PNKD: variants seen among roughly 807,000 people sequenced by gnomAD.
The protein encoded by PNKD is PNKD metallo-beta-lactamase domain containing, also known as probable thioesterase PNKD.
A neutral mutation model predicts 45.3 loss-of-function variants in PNKD; 36 were observed. That is an observed-to-expected ratio of 0.80 (90% CI 0.61 to 1.05). The LOEUF (loss-of-function observed/expected upper bound fraction) is 1.05. PNKD is among the 50% of genes least tolerant of loss of function. PNKD has a pLI of 0.00. For missense variants in PNKD, 511 were observed against 506.6 expected (o/e 1.01, Z -0.08); for synonymous variants, 197 against 210.1 (o/e 0.94, Z 0.54).
chr2:218,317,076 G>A (rs1474843395), intron 2 of PNKD, among the ~76,000 whole-genome samples: 1 of 152,174 alleles, frequency 6.6e-6, no homozygotes, highest in East Asian at 1.9e-4. Flanking sequence ...GGATGGGAGG[G>A]GATCAGGGAA....
chr2:218,308,581 A>ACTTT (rs1359567572), intron 2 of PNKD, among the ~76,000 whole-genome samples: 2 of 148,590 alleles, frequency 1.3e-5, no homozygotes, highest in African/African-American at 5.0e-5. Flanking sequence ...TTTCTCCACT[A>ACTTT]CTTTCTTTCT....
chr2:218,324,026 C>A (rs928484300), intron 2 of PNKD, among the ~76,000 whole-genome samples: 3 of 152,166 alleles, frequency 2.0e-5, no homozygotes, highest in Non-Finnish European at 4.4e-5. Context: ...GTGGAAGCCC[C>A]AGGCTGTGAA....
Position 218,281,979 on chromosome 2 carries a change from G to C in PNKD, c.236+10430G>C, listed in dbSNP as rs372395270. On this transcript the variant is annotated intron_variant, in intron 2 of 9. Transcript: ENST00000273077. Reference sequence around the variant, plus strand: ...ATCGGGTGGGTGGGGGGCATGGGCTGTGGGTAGCCAGCAGGGTGACCGTAG... The same window carrying C: ...ATCGGGTGGGTGGGGGGCATGGGCTCTGGGTAGCCAGCAGGGTGACCGTAG... The C allele has an allele frequency of 2.1e-5, 33 of 1,605,884 alleles. No individual in the cohort carries two copies. The African/African-American group carries it at 4.3e-4, about 21-fold the overall frequency.
intron 2 of PNKD, chr2:218,275,544 G>A (rs1691104046): frequency 6.2e-7 from 1 of 1,614,002 alleles, no homozygotes. Context: ...AAATCTGCAG[G>A]GCGCCAGTGA....
At chr2:218,297,115 A>G (rs1294036853) in intron 2 of PNKD, among the ~76,000 whole-genome samples, 1 of 152,220 alleles carries the variant, frequency 6.6e-6, no homozygotes, top group Non-Finnish European at 1.5e-5. Context: ...GCCCTGACCC[A>G]GCATCTGTTG....
intron 2 of PNKD, chr2:218,272,863 C>T: frequency 6.2e-7 from 1 of 1,601,792 alleles, no homozygotes; most frequent in Non-Finnish European, 8.5e-7. Context: ...GCATGAAGCC[C>T]AGGCTGTTGC....
Position 218,271,414 on chromosome 2 carries a change from C to A in PNKD, c.101C>A (p.Ser34Tyr), listed in dbSNP as rs146016925. The change falls in exon 2 of 10, where the codon TCT (serine) becomes TAT (tyrosine). Residue 34 changes from serine (S) to tyrosine (Y), a missense_variant. Ser to Tyr is a moderately radical substitution (Grantham distance 144). Transcript: ENST00000273077. ...ILAGATANKA[S>Y]HNRTRALQSH... ...GCAGGAGCCACAGCTAACAAGGCTT[C>A]TCATAACAGGACCCGGGCCCTGCAA... 2.5e-6 allele frequency: 4 copies of A among 1,613,998 alleles called. No individual in the cohort carries two copies. The African/African-American group carries it at 4.0e-5, about 16-fold the overall frequency.
chr2:218,345,045 A>C lies in PNKD; in HGVS notation c.*64A>C. The C allele has an allele frequency of 5.7e-4, 724 of 1,276,028 alleles. No homozygotes were observed. Among genetic ancestry groups the C allele is most frequent in the Non-Finnish European group, 7.3e-4 (659 of 902,108 alleles). The allele number at this position is 1,276,028 out of a possible 1,614,324, so 79.0% of individuals were successfully genotyped here. On this transcript the variant is annotated 3_prime_UTR_variant, in exon 10 of 10. Transcript: ENST00000273077. ...GGGAGGCCGCCACCACCAACACCTC[A>C]TCATCCTTCTCATCGCTAACACCAC...
chr2:218,272,823 A>T, intron 2 of PNKD: 1 of 1,612,374 alleles, frequency 6.2e-7, no homozygotes, highest in Non-Finnish European at 8.5e-7. Flanking sequence ...CCCAGATTCC[A>T]GTTCGTGCCT....
chr2:218,306,652 A>G (rs1196870178), intron 2 of PNKD, among the ~76,000 whole-genome samples: 6 of 152,200 alleles, frequency 3.9e-5, no homozygotes, highest in African/African-American at 1.4e-4. Flanking sequence ...TTCCAAGTCT[A>G]GCACACAACC....
intron 5 of PNKD, among the ~76,000 whole-genome samples, chr2:218,341,169 A>T (rs1166184727): frequency 6.6e-6 from 1 of 152,238 alleles, no homozygotes; most frequent in Non-Finnish European, 1.5e-5. Flanking sequence ...GTTCAAGCCC[A>T]ACCTGGGCAA....
Position 218,342,099 on chromosome 2 carries a change from C to T in PNKD, c.736C>T (p.Pro246Ser). ...YLLDGEPYKG[P>S]SCLFSGDLLF... ...ACTGGATGGGGAGCCCTACAAGGGT[C>T]CCTCCTGCCTCTTCTCAGGGGACCT... The change falls in exon 7 of 10, where the codon CCC (proline) becomes TCC (serine). Residue 246 changes from proline to serine, a missense_variant. Coordinates refer to ENST00000273077, the MANE Select transcript of PNKD (RefSeq NM_015488.5). The T allele has an allele frequency of 1.2e-6, 2 of 1,613,748 alleles. No homozygotes were observed. Among genetic ancestry groups the T allele is most frequent in the Non-Finnish European group, 1.7e-6 (2 of 1,179,782 alleles).
chr2:218,279,073 A>G, intron 2 of PNKD: 1 of 1,614,110 alleles, frequency 6.2e-7, no homozygotes, highest in Non-Finnish European at 8.5e-7. Context: ...TTCTCCTCAC[A>G]AAGGCGCTGA....
chr2:218,342,624 C>G (rs895083961), intron 7 of PNKD, among the ~76,000 whole-genome samples: 1 of 151,918 alleles, frequency 6.6e-6, no homozygotes, highest in East Asian at 1.9e-4. Flanking sequence ...TGCTTGAACC[C>G]GAGAGGTAGA....
rs1470908577 is a variant in PNKD, at chr2:218,344,955, C to T, written c.1132C>T (p.Leu378=). 3 of 1,613,874 alleles carry T rather than the reference C, an allele frequency of 1.9e-6. No individual in the cohort carries two copies. The change falls in exon 10 of 10, where the codon CTG becomes TTG. Residue 378 remains leucine, a synonymous_variant. Transcript: ENST00000273077. ...CCAGCTCCTGGAAGAGCTCCGCCGG[C>T]TGAAGGATATGCACAAGAGCAAGTG... ...RAQLLEELRR[L]KDMHKSK
At chr2:218,343,430 G>T in intron 7 of PNKD, 70 bp from the exon 8 acceptor site, 1 of 1,239,810 alleles carries the variant, frequency 8.1e-7, no homozygotes, top group Non-Finnish European at 1.2e-6. Context: ...GTTCCCACCT[G>T]TCTGGGTGTG....
chr2:218,319,576 G>C (rs1693929978), intron 2 of PNKD, among the ~76,000 whole-genome samples: 1 of 151,130 alleles, frequency 6.6e-6, no homozygotes, highest in African/African-American at 2.4e-5. Context: ...GGGTTTCACT[G>C]TATTGGTCAG....
chr2:218,310,229 T>G lies in PNKD; in HGVS notation c.237-29554T>G, dbSNP rs147318821. Among the ~76,000 whole-genome samples the G allele has an allele frequency of 3.9e-3, 590 of 152,068 alleles. 4 individuals carry two copies. The highest frequency in any genetic ancestry group is 0.011 in the African/African-American group (470 of 41,486). ...GACAATGTTTTTTGTTTTTGTTTTG[T>G]TTTGTTTTTTTGAGACGGAATCTCA... On this transcript the variant is annotated intron_variant, in intron 2 of 9. Transcript: ENST00000273077.
At chr2:218,302,145 C>T (rs1393128320) in intron 2 of PNKD, among the ~76,000 whole-genome samples, 1 of 152,042 alleles carries the variant, frequency 6.6e-6, no homozygotes, top group African/African-American at 2.4e-5. Flanking sequence ...GTCAGGAGAT[C>T]GAGACCATCC....
Sources: gnomAD v4.1 joint callset for allele counts (sites outside exome capture counted in the v4.1 genomes callset) on GRCh38, gnomAD v4.1.1 for gene constraint, MANE v1.5 for transcripts, NCBI Gene and HGNC (gene_info 2026-07-23, HGNC 2026-07-21) for gene names.